The following SDK1 variants were observed in gnomAD, a reference collection of about 807,000 sequenced individuals.
The protein encoded by SDK1 is protein sidekick-1.
A neutral mutation model predicts 245.5 loss-of-function variants in SDK1; 157 were observed. The ratio of observed to expected loss-of-function variants is 0.64; its 90% CI spans 0.56 to 0.73. SDK1 has a LOEUF of 0.73. Among genes scored for constraint, SDK1 ranks in the 30% least tolerant of loss-of-function variants. SDK1 has a pLI of 0.00. For synonymous variants in SDK1, 1,647 were observed against 1,278.5 expected (o/e 1.29, Z -6.15); for missense variants, 3,583 against 3,002.3 (o/e 1.19, Z -4.52).
intron 36 of SDK1, among the ~76,000 whole-genome samples, chr7:4,206,701 A>T (rs936574093): frequency 6.6e-6 from 1 of 152,096 alleles, no homozygotes; most frequent in African/African-American, 2.4e-5. Context: ...GCCTCCTTAG[A>T]GAGTACAGGG....
rs190946444 is a variant in SDK1 at position 3,751,114 on chromosome 7, A to C, written c.714-70336A>C. Among the ~76,000 whole-genome samples, 50 of 151,972 alleles carry C rather than the reference A, an allele frequency of 3.3e-4. 2 individuals carry two copies. Among genetic ancestry groups the C allele is most frequent in the Admixed American group, 2.2e-3 (34 of 15,274 alleles). ...GGACCTTCTTGCTGTTGTTGGTCCC[A>C]CTCTTCCTCCAGTCGCTGTGTGGCT... On this transcript the variant is annotated intron_variant, in intron 4 of 44. Transcript: ENST00000404826.
chr7:3,742,012 A>ATATATATATATATATATG (rs1554256842), intron 4 of SDK1, among the ~76,000 whole-genome samples: 1 of 145,286 alleles, frequency 6.9e-6, no homozygotes, highest in Admixed American at 6.9e-5. Flanking sequence ...ATATATATAT[A>ATATATATATATATATATG]TGCTGTATTT....
chr7:3,841,902 G>A (rs1780168143), intron 5 of SDK1, among the ~76,000 whole-genome samples: 1 of 152,162 alleles, frequency 6.6e-6, no homozygotes, highest in Admixed American at 6.5e-5. Context: ...CCAGATGCAA[G>A]ACCGACCCAT....
Position 3,962,734 on chromosome 7 carries a change from C to G in SDK1, c.1312C>G (p.Leu438Val), listed in dbSNP as rs749961381. Residue 438 changes from leucine to valine, a missense_variant, in exon 9 of 45, where the codon CTC (leucine) becomes GTC (valine). Leu to Val is a conservative substitution (Grantham distance 32). Transcript: ENST00000404826. The stretch of plus-strand genomic sequence containing the variant: ...GCTCCAGAATCCTCGATACAAAGTG[C>G]TCGCCAGCGGAGGCCTGCGCATCCA... ...SRLQNPRYKV[L>V]ASGGLRIQKL... is the part of the protein sequence containing the mutation. 8.7e-6 allele frequency: 14 copies of G among 1,613,614 alleles called. No individual in the cohort carries two copies. Among genetic ancestry groups the G allele is most frequent in the Non-Finnish European group, 1.2e-5 (14 of 1,179,858 alleles).
At chr7:3,322,907 TCAAA>T (rs1467404424) in intron 1 of SDK1, among the ~76,000 whole-genome samples, 1 of 152,118 alleles carries the variant, frequency 6.6e-6, no homozygotes, top group Non-Finnish European at 1.5e-5. Context: ...CCTCCCAGGT[TCAAA>T]CAGTCCTCCC....
At chr7:3,653,031 A>C (rs7805946) in intron 4 of SDK1, among the ~76,000 whole-genome samples, 1 of 152,034 alleles carries the variant, frequency 6.6e-6, no homozygotes, top group Non-Finnish European at 1.5e-5. Flanking sequence ...TATTCCATTC[A>C]GTGCCAAACA....
At chr7:4,139,705 ATGTGTGTGTGTG>A (rs368036304) in intron 28 of SDK1, among the ~76,000 whole-genome samples, 3 of 111,952 alleles carry the variant, frequency 2.7e-5, no homozygotes, top group African/African-American at 3.5e-5. Context: ...GTGTGTGTGT[ATGTGTGTGTGTG>A]TGTATGTGTG....
intron 4 of SDK1, among the ~76,000 whole-genome samples, chr7:3,689,696 G>A (rs1207785641): frequency 6.6e-6 from 1 of 152,152 alleles, no homozygotes; most frequent in East Asian, 1.9e-4. Context: ...CTTTAGTAAT[G>A]AGGATTAGGT....
At chr7:3,825,659 T>C (rs145579391) in intron 5 of SDK1, among the ~76,000 whole-genome samples, 7 of 152,346 alleles carry the variant, frequency 4.6e-5, no homozygotes, top group African/African-American at 1.7e-4. Flanking sequence ...TTGTCCTCTA[T>C]AATGCTAATT....
intron 18 of SDK1, among the ~76,000 whole-genome samples, chr7:4,051,264 A>G (rs1789456836): frequency 6.9e-6 from 1 of 144,714 alleles, no homozygotes; most frequent in South Asian, 2.1e-4. Context: ...TATAATATAT[A>G]TATAATATAT....
intron 17 of SDK1, among the ~76,000 whole-genome samples, chr7:4,020,979 G>A (rs1786843950): frequency 6.6e-6 from 1 of 152,218 alleles, no homozygotes; most frequent in East Asian, 1.9e-4. Context: ...GATGAAGAGT[G>A]TCTACTAGGG....
chr7:3,848,335 C>T (rs182833080), intron 5 of SDK1, among the ~76,000 whole-genome samples: 18 of 152,122 alleles, frequency 1.2e-4, no homozygotes, highest in African/African-American at 3.9e-4. Flanking sequence ...AATCCCTTAT[C>T]GGAACTCTCC....
intron 1 of SDK1, among the ~76,000 whole-genome samples, chr7:3,331,131 G>A (rs181008252): frequency 6.6e-6 from 1 of 152,222 alleles, no homozygotes; most frequent in African/African-American, 2.4e-5. Context: ...GGGTGTGGTG[G>A]TGTGCGCCTG....
intron 17 of SDK1, among the ~76,000 whole-genome samples, chr7:4,045,716 A>G (rs1378670844): frequency 1.3e-5 from 2 of 152,022 alleles, no homozygotes; most frequent in Non-Finnish European, 2.9e-5. Context: ...GGCCTTGGGC[A>G]CTCCACATCT....
intron 2 of SDK1, among the ~76,000 whole-genome samples, chr7:3,630,553 T>C (rs1254365220): frequency 1.3e-5 from 2 of 152,172 alleles, no homozygotes; most frequent in Admixed American, 6.5e-5. Context: ...GGAGAATCCC[T>C]TGAACCCAGG....
chr7:3,735,227 A>G (rs79196752), intron 4 of SDK1, among the ~76,000 whole-genome samples: 8,682 of 152,270 alleles, frequency 0.057, 344 homozygotes, highest in Non-Finnish European at 0.087. Flanking sequence ...ATAATTCAAT[A>G]GTGTTAAGTA....
At chr7:3,896,283 C>G (rs1020895791) in intron 5 of SDK1, among the ~76,000 whole-genome samples, 1 of 152,196 alleles carries the variant, frequency 6.6e-6, no homozygotes, top group African/African-American at 2.4e-5. Flanking sequence ...CTTAATACTT[C>G]TTGAAGTGCT....
At chr7:3,632,534 C>T (rs560164148) in intron 2 of SDK1, among the ~76,000 whole-genome samples, 6 of 150,664 alleles carry the variant, frequency 4.0e-5, no homozygotes, top group African/African-American at 1.4e-4. Flanking sequence ...ATTCCCAAAA[C>T]CAGTGCTACA....
In SDK1 at chr7:4,267,324, C is replaced by G. The variant is rs534212466; in HGVS notation, c.*1940C>G. 24 of 917,936 alleles carry G rather than the reference C, an allele frequency of 2.6e-5. No homozygotes were observed. In the East Asian group the frequency reaches 3.6e-4, roughly 14 times the overall value. 56.9% of individuals were successfully genotyped at this position (917,936 alleles called of 1,614,324 possible). A position where few individuals can be genotyped will look rare whatever the true frequency, so the allele number is the denominator to read the frequency against. On this transcript the variant is annotated 3_prime_UTR_variant, in exon 45 of 45. Transcript: ENST00000404826. ...CTCCCTTCTTTCCCTCCCTCCCTTC[C>G]TCTCTCCCCTATTCCTTCTTCCTTT... is the stretch of plus-strand genomic sequence containing the variant.
Sources: gnomAD v4.1 joint callset for allele counts (sites outside exome capture counted in the v4.1 genomes callset) on GRCh38, gnomAD v4.1.1 for gene constraint, MANE v1.5 for transcripts, NCBI Gene and HGNC (gene_info 2026-07-23, HGNC 2026-07-21) for gene names.